The following ATP2B2 variants were observed in gnomAD, a reference collection of about 807,000 sequenced individuals.
The protein encoded by ATP2B2 is ATPase plasma membrane Ca2+ transporting 2.
A neutral mutation model predicts 120.0 loss-of-function variants in ATP2B2; 15 were observed. The ratio of observed to expected loss-of-function variants is 0.12; its 90% CI spans 0.08 to 0.19. The LOEUF is 0.19. Among genes scored for constraint, ATP2B2 ranks in the 10% least tolerant of loss-of-function variants. ATP2B2 has a pLI of 1.00. For missense variants in ATP2B2, 1,045 were observed against 1,719.8 expected, an observed-to-expected ratio of 0.61 and a Z score of 6.94; for synonymous variants, 694 against 700.3, an observed-to-expected ratio of 0.99 and a Z score of 0.14.
chr3:10,410,199 C>T (rs1289167324), intron 3 of ATP2B2, among the ~76,000 whole-genome samples: 1 of 152,132 alleles, frequency 6.6e-6, no homozygotes, highest in Non-Finnish European at 1.5e-5. Context: ...TACTTAGTTA[C>T]ATGAGTAAGT....
Position 10,660,050 on chromosome 3 carries a change from G to A in ATP2B2, c.-459-40089C>T, listed in dbSNP as rs577559136. 6.4e-4 allele frequency among the ~76,000 whole-genome samples: 97 copies of A among 152,306 alleles called. 1 individual carries two copies. Among genetic ancestry groups the A allele is most frequent in the African/African-American group, 1.4e-3 (59 of 41,554 alleles). On this transcript the variant is annotated intron_variant, in intron 1 of 21. Coordinates refer to the ATP2B2 transcript ENST00000646379. ...AATACAGATGTTCTTTGAAACCAATGAGAATGAAGACACAACATACCAGAA... is the reference window on the plus strand; with the variant it reads ...AATACAGATGTTCTTTGAAACCAATAAGAATGAAGACACAACATACCAGAA...
chr3:10,501,346 T>C (rs1348315278), intron 1 of ATP2B2, among the ~76,000 whole-genome samples: 1 of 149,850 alleles, frequency 6.7e-6, no homozygotes, highest in East Asian at 2.0e-4. Flanking sequence ...CCAGGAGTTT[T>C]CCATAGCATA....
At chr3:10,687,245 C>A (rs1358356439) in intron 1 of ATP2B2, among the ~76,000 whole-genome samples, 15 of 152,184 alleles carry the variant, frequency 9.9e-5, no homozygotes, top group Admixed American at 9.8e-4. Context: ...AACATGGGAA[C>A]AACACAAGTA....
intron 2 of ATP2B2, among the ~76,000 whole-genome samples, chr3:10,612,902 T>C (rs191742490): frequency 6.6e-6 from 1 of 152,272 alleles, no homozygotes; most frequent in Admixed American, 6.5e-5. Flanking sequence ...AATTCCCACA[T>C]GGTAGGAGTA....
intron 2 of ATP2B2, among the ~76,000 whole-genome samples, chr3:10,543,416 C>T (rs1046349506): frequency 6.6e-6 from 1 of 152,128 alleles, no homozygotes; most frequent in Non-Finnish European, 1.5e-5. Context: ...CTATGTAAGG[C>T]TGAATTTTCT....
Position 10,459,451 on chromosome 3 carries a change from T to C in ATP2B2, c.-319-9589A>G, listed in dbSNP as rs2064395620. Reference sequence around the variant, plus strand: ...TGGGATGGGCCAGCGGCTCTGGACATTGTACTCTGGTTTCAGCCAAATGCC... The same window carrying C: ...TGGGATGGGCCAGCGGCTCTGGACACTGTACTCTGGTTTCAGCCAAATGCC... On this transcript the variant is annotated intron_variant, in intron 1 of 22. Coordinates refer to ENST00000360273, the MANE Select transcript of ATP2B2 (RefSeq NM_001001331.4). Among the ~76,000 whole-genome samples, 3 of 152,184 alleles carry C rather than the reference T, an allele frequency of 2.0e-5. No homozygotes were observed. In the South Asian group the frequency reaches 6.2e-4, roughly 31 times the overall value.
At chr3:10,503,416 C>T (rs935413876) in intron 1 of ATP2B2, among the ~76,000 whole-genome samples, 1 of 152,240 alleles carries the variant, frequency 6.6e-6, no homozygotes, top group Admixed American at 6.5e-5. Flanking sequence ...CCCAAGATGG[C>T]CTTGCTGAGT....
At chr3:10,683,820 T>C (rs1309964817) in intron 1 of ATP2B2, among the ~76,000 whole-genome samples, 1 of 125,732 alleles carries the variant, frequency 8.0e-6, no homozygotes, top group African/African-American at 3.0e-5. Flanking sequence ...AGAGACAGGG[T>C]CTCGCTCTGT....
At chr3:10,623,346 C>T (rs376327336) in intron 1 of ATP2B2, among the ~76,000 whole-genome samples, 3 of 152,212 alleles carry the variant, frequency 2.0e-5, no homozygotes, top group African/African-American at 7.2e-5. Flanking sequence ...GCCTGAGCCA[C>T]CGTGCCTAAT....
At chr3:10,535,385 ATGTG>A (rs34707434) in intron 2 of ATP2B2, among the ~76,000 whole-genome samples, 4,357 of 146,814 alleles carry the variant, frequency 0.03, 159 homozygotes, top group African/African-American at 0.092. Context: ...CAGCAGTTTG[ATGTG>A]TGTGTGTGTG....
At chr3:10,661,717 A>G (rs566292904) in intron 1 of ATP2B2, among the ~76,000 whole-genome samples, 1 of 152,236 alleles carries the variant, frequency 6.6e-6, no homozygotes, top group Non-Finnish European at 1.5e-5. Flanking sequence ...TCAAGCTACC[A>G]ATGACTTTCT....
intron 1 of ATP2B2, among the ~76,000 whole-genome samples, chr3:10,671,336 G>A (rs527906478): frequency 2.6e-5 from 4 of 152,224 alleles, no homozygotes; most frequent in African/African-American, 9.6e-5. Context: ...TCTGTGCCTC[G>A]GTTTCCAAAT....
chr3:10,387,825 G>A (rs1255567218), intron 6 of ATP2B2: 1 of 235,042 alleles, frequency 4.3e-6, no homozygotes, highest in Non-Finnish European at 8.5e-6. Flanking sequence ...ACCTTTCCCA[G>A]AATCTCCTCT....
At chr3:10,582,885 C>T (rs2068424006) in intron 2 of ATP2B2, among the ~76,000 whole-genome samples, 1 of 152,232 alleles carries the variant, frequency 6.6e-6, no homozygotes, top group African/African-American at 2.4e-5. Context: ...TCTGCATCTA[C>T]CAGCAGCATA....
chr3:10,680,695 T>A (rs1394309180), intron 1 of ATP2B2, among the ~76,000 whole-genome samples: 2 of 152,132 alleles, frequency 1.3e-5, no homozygotes, highest in Non-Finnish European at 2.9e-5. Flanking sequence ...AATAGAAACC[T>A]TTTACACATT....
intron 1 of ATP2B2, 36 bp from the exon 2 acceptor site, chr3:10,449,898 G>A: frequency 2.6e-6 from 1 of 381,396 alleles, no homozygotes; most frequent in Non-Finnish European, 5.0e-6. Flanking sequence ...ACAAAGGCCA[G>A]GCACTGGAGG....
intron 2 of ATP2B2, among the ~76,000 whole-genome samples, chr3:10,606,339 T>C (rs147379564): frequency 6.6e-6 from 1 of 152,256 alleles, no homozygotes; most frequent in Non-Finnish European, 1.5e-5. Flanking sequence ...AGGCAATGCA[T>C]GTCAAGAGCC....
intron 2 of ATP2B2, among the ~76,000 whole-genome samples, chr3:10,443,567 G>T (rs2063739674): frequency 6.6e-6 from 1 of 152,142 alleles, no homozygotes; most frequent in Non-Finnish European, 1.5e-5. Flanking sequence ...GAGCCCCCAT[G>T]TGCTAAAACC....
Position 10,340,462 on chromosome 3 carries a change from C to T in ATP2B2, c.3129+31G>A, listed in dbSNP as rs373403998. On this transcript the variant is annotated intron_variant, in intron 20 of 22. Coordinates refer to ENST00000360273, the MANE Select transcript of ATP2B2 (RefSeq NM_001001331.4). The surrounding 1 kb of genome is among the most constrained non-coding windows in gnomAD (Gnocchi z 5.0). Reference sequence around the variant, plus strand: ...GGGCTCCAGCCGCTTGCTGCCCACCCCGGGCCTGGTTAGGGTGGGGGCCTC... The same window carrying T: ...GGGCTCCAGCCGCTTGCTGCCCACCTCGGGCCTGGTTAGGGTGGGGGCCTC... 16 of 1,614,032 alleles carry T rather than the reference C, an allele frequency of 9.9e-6. No individual in the cohort carries two copies. The African/African-American group carries it at 2.0e-4, about 20-fold the overall frequency.
Sources: allele counts gnomAD v4.1 joint callset (sites outside exome capture counted in the v4.1 genomes callset), GRCh38; gene constraint gnomAD v4.1.1; non-coding constraint Gnocchi (gnomAD v3.1); transcripts MANE v1.5; gene names NCBI Gene and HGNC (gene_info 2026-07-23, HGNC 2026-07-21).